Variants in GPC5 observed in about 807,000 individuals in gnomAD.
GPC5 encodes glypican-5.
GPC5 carries 47 observed loss-of-function variants against 53.9 expected under a neutral mutation model. The observed-to-expected ratio is 0.87, with a 90% CI of 0.69 to 1.11. The LOEUF is 1.11. Among genes scored for constraint, GPC5 ranks in the 50% most tolerant of loss-of-function variants. The pLI, the probability that GPC5 is intolerant of heterozygous loss-of-function variation, is 0.00. For synonymous variants in GPC5, 286 were observed against 263.3 expected (o/e 1.09, Z -0.84); for missense variants, 748 against 713.1 (o/e 1.05, Z -0.56).
chr13:92,836,776 C>T (rs1878233586), intron 7 of GPC5, among the ~76,000 whole-genome samples: 1 of 151,852 alleles, frequency 6.6e-6, no homozygotes, highest in Non-Finnish European at 1.5e-5. Flanking sequence ...TATAAGACAC[C>T]TGGATGCTCA....
intron 7 of GPC5, among the ~76,000 whole-genome samples, chr13:92,195,172 C>A (rs970816753): frequency 6.6e-6 from 1 of 152,114 alleles, no homozygotes. Flanking sequence ...TGCATTTTCT[C>A]ATACAATAAA....
intron 7 of GPC5, among the ~76,000 whole-genome samples, chr13:92,574,816 T>A (rs1026762172): frequency 9.9e-5 from 15 of 152,154 alleles, no homozygotes; most frequent in Non-Finnish European, 2.1e-4. Context: ...CTCGGAAGAA[T>A]GTTTATTACT....
Position 92,838,122 on chromosome 13 carries a change from T to A in GPC5, c.1562-28160T>A, listed in dbSNP as rs552109223. 1.3e-4 allele frequency among the ~76,000 whole-genome samples: 19 copies of A among 151,856 alleles called. No homozygotes were observed. In the South Asian group the frequency reaches 2.9e-3, roughly 23 times the overall value. On this transcript the variant is annotated intron_variant, in intron 7 of 7. Coordinates refer to ENST00000377067, the MANE Select transcript of GPC5 (RefSeq NM_004466.6). ...AATTAAAAAGTCACAACTCTGCTTTTATTCAGCCTCATTCATGCATGATTG... is the reference window on the plus strand; with the variant it reads ...AATTAAAAAGTCACAACTCTGCTTTAATTCAGCCTCATTCATGCATGATTG...
chr13:92,595,584 C>A (rs1382532426), intron 7 of GPC5, among the ~76,000 whole-genome samples: 1 of 151,388 alleles, frequency 6.6e-6, no homozygotes, highest in African/African-American at 2.4e-5. Flanking sequence ...CTGGCTAACA[C>A]GGTGAAACCC....
intron 6 of GPC5, among the ~76,000 whole-genome samples, chr13:92,051,640 C>A (rs1231720179): frequency 6.6e-6 from 1 of 152,162 alleles, no homozygotes; most frequent in African/African-American, 2.4e-5. Flanking sequence ...TACATTTTGA[C>A]CTTAGTGGCT....
chr13:92,769,350 G>A (rs1432748834), intron 7 of GPC5, among the ~76,000 whole-genome samples: 1 of 151,314 alleles, frequency 6.6e-6, no homozygotes, highest in Non-Finnish European at 1.5e-5. Flanking sequence ...ATACTGCAAT[G>A]TCATTTGTCT....
At chr13:92,644,842 T>C (rs1312370833) in intron 7 of GPC5, among the ~76,000 whole-genome samples, 1 of 151,040 alleles carries the variant, frequency 6.6e-6, no homozygotes, top group Non-Finnish European at 1.5e-5. Flanking sequence ...TGGGAGTTCT[T>C]GGAAAAGAAA....
At chr13:92,158,662 C>T (rs2041963288) in intron 7 of GPC5, among the ~76,000 whole-genome samples, 2 of 152,130 alleles carry the variant, frequency 1.3e-5, no homozygotes, top group African/African-American at 4.8e-5. Flanking sequence ...CCCACTGCTA[C>T]TATCTTAGTT....
chr13:91,644,346 G>A (rs182078802), intron 2 of GPC5, among the ~76,000 whole-genome samples: 1 of 152,198 alleles, frequency 6.6e-6, no homozygotes, highest in African/African-American at 2.4e-5. Flanking sequence ...GGATGCAAAT[G>A]CAGGTGTTCT....
intron 2 of GPC5, among the ~76,000 whole-genome samples, chr13:91,456,415 T>G (rs9560799): frequency 0.5 from 76,249 of 151,718 alleles, 19,880 homozygotes; most frequent in Middle Eastern, 0.63. Context: ...ATTATTAGCT[T>G]CTTTTAAAAG....
intron 7 of GPC5, among the ~76,000 whole-genome samples, chr13:92,634,744 T>C (rs1885359754): frequency 6.6e-6 from 1 of 152,146 alleles, no homozygotes; most frequent in East Asian, 1.9e-4. Flanking sequence ...CATTGCCTCT[T>C]TGCCCCTTTC....
intron 1 of GPC5, among the ~76,000 whole-genome samples, chr13:91,424,178 T>C (rs1045581134): frequency 3.7e-4 from 56 of 152,096 alleles, no homozygotes; most frequent in African/African-American, 1.3e-3. Context: ...TAGGACCTCA[T>C]AGTAACTGAT....
intron 6 of GPC5, among the ~76,000 whole-genome samples, chr13:92,123,446 G>A (rs1016264764): frequency 1.2e-4 from 19 of 152,122 alleles, no homozygotes; most frequent in African/African-American, 4.6e-4. Flanking sequence ...AGAAAAGGCA[G>A]GGAATTGAAC....
At chr13:92,739,073 G>A (rs779042689) in intron 7 of GPC5, among the ~76,000 whole-genome samples, 2 of 151,860 alleles carry the variant, frequency 1.3e-5, no homozygotes, top group East Asian at 1.9e-4. Context: ...TTAATAAATC[G>A]GATTCACTGC....
chr13:91,889,913 G>A (rs61966374), intron 5 of GPC5, among the ~76,000 whole-genome samples: 5,517 of 152,192 alleles, frequency 0.036, 130 homozygotes, highest in Non-Finnish European at 0.056. Flanking sequence ...CAATCAATAG[G>A]TGCAAGGTGT....
intron 2 of GPC5, among the ~76,000 whole-genome samples, chr13:91,469,382 T>C (rs914192664): frequency 2.6e-5 from 4 of 152,160 alleles, no homozygotes; most frequent in Middle Eastern, 3.2e-3. Flanking sequence ...GTGTTGAGAT[T>C]ACAGGCGTGA....
intron 7 of GPC5, among the ~76,000 whole-genome samples, chr13:92,460,454 G>C (rs1422256874): frequency 6.6e-6 from 1 of 151,924 alleles, no homozygotes; most frequent in Admixed American, 6.6e-5. Context: ...GCAAGGAAAA[G>C]TTATGTCCAA....
intron 2 of GPC5, among the ~76,000 whole-genome samples, chr13:91,621,396 A>AG (rs1422927853): frequency 2.0e-5 from 3 of 152,102 alleles, no homozygotes; most frequent in African/African-American, 7.2e-5. Flanking sequence ...TGATGTGGGC[A>AG]GGTGAGGAAG....
chr13:92,224,518 TA>T (rs1228540791), intron 7 of GPC5, among the ~76,000 whole-genome samples: 8 of 152,194 alleles, frequency 5.3e-5, no homozygotes, highest in Non-Finnish European at 8.8e-5. Flanking sequence ...TGTCTTCTGT[TA>T]ACGGATTTCA....
Sources: gnomAD v4.1 joint callset for allele counts (sites outside exome capture counted in the v4.1 genomes callset) on GRCh38, gnomAD v4.1.1 for gene constraint, MANE v1.5 for transcripts, NCBI Gene and HGNC (gene_info 2026-07-23, HGNC 2026-07-21) for gene names.